The following PKNOX2 variants were observed in gnomAD, a reference collection of about 807,000 sequenced individuals.
PKNOX2 encodes the protein homeobox protein PKNOX2.
A neutral mutation model predicts 53.1 loss-of-function variants in PKNOX2; 14 were observed. The ratio of observed to expected loss-of-function variants is 0.26; its 90% CI spans 0.17 to 0.41. PKNOX2 has a LOEUF of 0.41. Among genes scored for constraint, PKNOX2 ranks in the 10% least tolerant of loss-of-function variants. PKNOX2 has a pLI of 1.00. For synonymous variants in PKNOX2, 257 were observed against 242.8 expected, an observed-to-expected ratio of 1.06 and a Z score of -0.54; for missense variants, 496 against 602.8, an observed-to-expected ratio of 0.82 and a Z score of 1.85.
At chr11:125,207,387 G>A (rs1363407068) in intron 1 of PKNOX2, among the ~76,000 whole-genome samples, 5 of 152,130 alleles carry the variant, frequency 3.3e-5, no homozygotes, top group Admixed American at 1.3e-4. Context: ...TGTGAGTGCC[G>A]TTAGCCCATG....
At chr11:125,246,125 A>G (rs1364720496) in intron 2 of PKNOX2, among the ~76,000 whole-genome samples, 1 of 152,230 alleles carries the variant, frequency 6.6e-6, no homozygotes, top group Non-Finnish European at 1.5e-5. Flanking sequence ...CTACTGTAAC[A>G]GAATACCTGA....
At chr11:125,175,451 G>T (rs1370393727) in intron 1 of PKNOX2, among the ~76,000 whole-genome samples, 1 of 152,190 alleles carries the variant, frequency 6.6e-6, no homozygotes, top group South Asian at 2.1e-4. Flanking sequence ...GCAGAAGAAG[G>T]ATGTTCCCTG....
chr11:125,326,567 T>C (rs1479664911), intron 2 of PKNOX2, among the ~76,000 whole-genome samples: 1 of 152,216 alleles, frequency 6.6e-6, no homozygotes, highest in African/African-American at 2.4e-5. Flanking sequence ...AACAAGTCGA[T>C]GAATTATTTT....
chr11:125,165,336 C>T lies in PKNOX2; in HGVS notation c.-201+560C>T, dbSNP rs1396329682. ...AGGAACAGGCACGCCGGCCCGAGCCCGGGTGCAGAAGGCTCCCGGCCGGGC... is the reference window on the plus strand; with the variant it reads ...AGGAACAGGCACGCCGGCCCGAGCCTGGGTGCAGAAGGCTCCCGGCCGGGC... On this transcript the variant is annotated intron_variant, in intron 1 of 12. Coordinates refer to ENST00000298282, the MANE Select transcript of PKNOX2 (RefSeq NM_001382323.2). The surrounding 1 kb of genome is among the most constrained non-coding windows in gnomAD (Gnocchi z 4.5). Among the ~76,000 whole-genome samples, 1 of 152,022 alleles carries T rather than the reference C, an allele frequency of 6.6e-6. No individual in the cohort carries two copies. The highest frequency in any genetic ancestry group is 1.5e-5 in the Non-Finnish European group (1 of 67,944).
intron 2 of PKNOX2, among the ~76,000 whole-genome samples, chr11:125,268,440 G>C (rs1945525353): frequency 1.3e-5 from 2 of 152,190 alleles, no homozygotes; most frequent in Non-Finnish European, 1.5e-5. Context: ...GTCAAACGTG[G>C]CATGGGAAAG....
chr11:125,389,417 A>C (rs1953886168), intron 6 of PKNOX2, among the ~76,000 whole-genome samples: 1 of 151,564 alleles, frequency 6.6e-6, no homozygotes, highest in Non-Finnish European at 1.5e-5. Context: ...CCCACACTCT[A>C]CCTCCCCATT....
intron 1 of PKNOX2, among the ~76,000 whole-genome samples, chr11:125,222,830 C>G (rs1941352258): frequency 6.6e-6 from 1 of 151,536 alleles, no homozygotes; most frequent in African/African-American, 2.4e-5. Context: ...TGTGTTGCAT[C>G]GAAAGGTGTC....
At chr11:125,254,867 G>A (rs1944294770) in intron 2 of PKNOX2, among the ~76,000 whole-genome samples, 1 of 152,184 alleles carries the variant, frequency 6.6e-6, no homozygotes, top group Admixed American at 6.5e-5. Flanking sequence ...ATGGCAAGTG[G>A]CCTGCACAGT....
chr11:125,171,550 G>C (rs1565460662), intron 1 of PKNOX2, among the ~76,000 whole-genome samples: 1 of 152,256 alleles, frequency 6.6e-6, no homozygotes. Context: ...TCACAGGACT[G>C]TTGAGGGGCA....
chr11:125,355,996 C>T (rs1300336281), intron 4 of PKNOX2, among the ~76,000 whole-genome samples: 46 of 151,884 alleles, frequency 3.0e-4, no homozygotes, highest in Non-Finnish European at 7.4e-5. Context: ...ACTCCCCTCA[C>T]CTTCCCACAC....
chr11:125,391,148 G>T (rs1458664517), intron 6 of PKNOX2, among the ~76,000 whole-genome samples: 2 of 152,218 alleles, frequency 1.3e-5, no homozygotes, highest in Admixed American at 6.5e-5. Flanking sequence ...AAAGGAATGT[G>T]CCTGCAAAAC....
At chr11:125,300,728 G>T (rs561807763) in intron 2 of PKNOX2, among the ~76,000 whole-genome samples, 1 of 152,074 alleles carries the variant, frequency 6.6e-6, no homozygotes, top group African/African-American at 2.4e-5. Context: ...CTGAAACTAC[G>T]TACTGTTTAT....
chr11:125,354,778 T>C (rs945952570), intron 4 of PKNOX2, among the ~76,000 whole-genome samples: 2 of 152,374 alleles, frequency 1.3e-5, no homozygotes, highest in Admixed American at 6.5e-5. Flanking sequence ...GGCTTTTTTT[T>C]CTTCCCATTT....
chr11:125,289,895 CTG>C (rs1337460609), intron 2 of PKNOX2, among the ~76,000 whole-genome samples: 1 of 152,200 alleles, frequency 6.6e-6, no homozygotes, highest in Non-Finnish European at 1.5e-5. Flanking sequence ...TGCCCAATAA[CTG>C]TTAATCAGCC....
chr11:125,255,446 C>G (rs1944338696), intron 2 of PKNOX2, among the ~76,000 whole-genome samples: 1 of 152,166 alleles, frequency 6.6e-6, no homozygotes, highest in Admixed American at 6.5e-5. Context: ...AGGCCCTTGA[C>G]CCTGGCTCTT....
intron 2 of PKNOX2, among the ~76,000 whole-genome samples, chr11:125,284,363 C>T (rs1403739440): frequency 3.9e-5 from 6 of 152,172 alleles, no homozygotes; most frequent in African/African-American, 1.2e-4. Flanking sequence ...CAGAGGTGAC[C>T]TCTCAGCCCG....
chr11:125,180,693 G>C (rs1022668764), intron 1 of PKNOX2, among the ~76,000 whole-genome samples: 2 of 152,210 alleles, frequency 1.3e-5, no homozygotes, highest in East Asian at 1.9e-4. Flanking sequence ...GAAAAAGGGG[G>C]TTTGCTCTGT....
intron 5 of PKNOX2, among the ~76,000 whole-genome samples, chr11:125,372,190 C>T (rs1952593833): frequency 1.3e-5 from 2 of 152,124 alleles, no homozygotes; most frequent in South Asian, 2.1e-4. Context: ...TCTCTCGAGG[C>T]GGGGAAGGGG....
chr11:125,322,869 A>G (rs981657129), intron 2 of PKNOX2, among the ~76,000 whole-genome samples: 1 of 152,232 alleles, frequency 6.6e-6, no homozygotes, highest in African/African-American at 2.4e-5. Flanking sequence ...TTGATACCAG[A>G]ACTACCAACC....
Sources: gnomAD v4.1 joint callset for allele counts (sites outside exome capture counted in the v4.1 genomes callset) on GRCh38, gnomAD v4.1.1 for gene constraint, Gnocchi (gnomAD v3.1) non-coding constraint, MANE v1.5 for transcripts, NCBI Gene and HGNC (gene_info 2026-07-23, HGNC 2026-07-21) for gene names.